RNF212: variants seen among roughly 807,000 people sequenced by gnomAD.
RNF212 encodes the protein probable E3 SUMO-protein ligase RNF212.
In RNF212, 33 loss-of-function variants were observed where a neutral mutation model predicts 34.7. The observed-to-expected ratio is 0.95, with a 90% CI of 0.72 to 1.27. The LOEUF is 1.27. RNF212 is among the 50% of genes most tolerant of loss of function. RNF212 has a pLI of 0.00. For synonymous variants in RNF212, 140 were observed against 136.1 expected (o/e 1.03, Z -0.20); for missense variants, 377 against 362.2 (o/e 1.04, Z -0.33).
chr4:1,102,999 A>T (rs1055360804), intron 2 of RNF212, among the ~76,000 whole-genome samples: 18 of 152,322 alleles, frequency 1.2e-4, no homozygotes, highest in African/African-American at 4.1e-4. Context: ...AAAAAAAAAA[A>T]AAATCACTAA....
At chr4:1,099,403 AG>A (rs1387891076) in intron 2 of RNF212, among the ~76,000 whole-genome samples, 1 of 152,170 alleles carries the variant, frequency 6.6e-6, no homozygotes, top group African/African-American at 2.4e-5. Context: ...AGCAGGGAAG[AG>A]GGGGAAATGG....
chr4:1,082,015 C>T, intron 5 of RNF212: 1 of 250,762 alleles, frequency 4.0e-6, no homozygotes, highest in Non-Finnish European at 7.8e-6. Flanking sequence ...CTTTGGGAGG[C>T]AGGGGCGGGA....
rs762685245 is a variant in RNF212 at position 1,108,226 on chromosome 4, T to C, written c.171+117A>G. ...CATTTTGATTACTCAGATATCTTTGTTAACGGAGCAAAGTGACTGAAAATT... is the reference window on the plus strand; with the variant it reads ...CATTTTGATTACTCAGATATCTTTGCTAACGGAGCAAAGTGACTGAAAATT... On this transcript the variant is annotated intron_variant, in intron 2 of 9. Coordinates refer to ENST00000433731, the MANE Select transcript of RNF212 (RefSeq NM_001131034.4). The C allele has an allele frequency of 2.5e-5, 15 of 609,366 alleles. No homozygotes were observed. In the Admixed American group the frequency reaches 3.2e-4, roughly 13 times the overall value. The allele number at this position is 609,366 out of a possible 1,614,324, so 37.7% of individuals were successfully genotyped here.
At chr4:1,080,579 G>A (rs1407610070) in intron 7 of RNF212, among the ~76,000 whole-genome samples, 1 of 152,172 alleles carries the variant, frequency 6.6e-6, no homozygotes, top group Non-Finnish European at 1.5e-5. Flanking sequence ...GCGGGACCCC[G>A]TGGAGCTTGT....
At chr4:1,104,562 G>A (rs377050051) in intron 2 of RNF212, among the ~76,000 whole-genome samples, 18 of 152,302 alleles carry the variant, frequency 1.2e-4, no homozygotes, top group African/African-American at 4.1e-4. Context: ...GGGAGAATGA[G>A]TACAGCCAGG....
chr4:1,064,186 G>A (rs1339269783), intron 3 of RNF212, among the ~76,000 whole-genome samples: 1 of 152,152 alleles, frequency 6.6e-6, no homozygotes, highest in African/African-American at 2.4e-5. Context: ...CATATTGTTA[G>A]ATTTATAACA....
chr4:1,096,892 G>T, intron 2 of RNF212, 53 bp from the exon 3 acceptor site: 1 of 1,353,052 alleles, frequency 7.4e-7, no homozygotes, highest in Non-Finnish European at 1.1e-6. Context: ...AACGCTTCTG[G>T]CCCCCAGTTA....
chr4:1,105,923 T>C (rs1724744855), intron 2 of RNF212, among the ~76,000 whole-genome samples: 1 of 152,214 alleles, frequency 6.6e-6, no homozygotes, highest in Non-Finnish European at 1.5e-5. Context: ...CCCTGGCTCC[T>C]GCAGGGGCTG....
chr4:1,110,808 AC>A (rs112654968), intron 1 of RNF212, among the ~76,000 whole-genome samples: 1 of 152,052 alleles, frequency 6.6e-6, no homozygotes, highest in Non-Finnish European at 1.5e-5. Context: ...CCTTTTCACC[AC>A]TTTTTTGTGT....
At chr4:1,058,312 G>GT (rs1296586766) in intron 4 of RNF212, 1 of 718,152 alleles carries the variant, frequency 1.4e-6, no homozygotes, top group African/African-American at 2.2e-5. Context: ...GCTTGCGGGG[G>GT]GGCACTACCT....
At chr4:1,104,284 G>GT (rs1232523145) in intron 2 of RNF212, among the ~76,000 whole-genome samples, 5 of 152,226 alleles carry the variant, frequency 3.3e-5, no homozygotes, top group Non-Finnish European at 7.3e-5. Context: ...GCCAACTGGT[G>GT]TATCAGACAA....
At chr4:1,064,686 C>T (rs529536619) in intron 3 of RNF212, among the ~76,000 whole-genome samples, 1 of 152,172 alleles carries the variant, frequency 6.6e-6, no homozygotes, top group Non-Finnish European at 1.5e-5. Flanking sequence ...TTTCAGTGTA[C>T]AGTTCACTGG....
chr4:1,069,069 G>C (rs775476401), downstream of RNF212, among the ~76,000 whole-genome samples: 4 of 152,068 alleles, frequency 2.6e-5, no homozygotes, highest in Non-Finnish European at 5.9e-5. Flanking sequence ...CAATTAGCTG[G>C]GTGTGGTGGT....
intron 2 of RNF212, 35 bp downstream of exon 2, chr4:1,108,308 T>C (rs764577892): frequency 2.2e-6 from 3 of 1,337,138 alleles, no homozygotes; most frequent in Admixed American, 2.8e-5. Flanking sequence ...AATATGACTG[T>C]GATTAAGATG....
intron 8 of RNF212, among the ~76,000 whole-genome samples, chr4:1,073,975 T>C (rs1718859057): frequency 6.6e-6 from 1 of 152,004 alleles, no homozygotes; most frequent in African/African-American, 2.4e-5. Flanking sequence ...TTGCAGCTGA[T>C]GTTAGAGAAT....
At chr4:1,102,061 G>A (rs1724068320) in intron 2 of RNF212, among the ~76,000 whole-genome samples, 1 of 151,952 alleles carries the variant, frequency 6.6e-6, no homozygotes, top group Non-Finnish European at 1.5e-5. Flanking sequence ...TATACTGCAG[G>A]CAAAAATGAA....
intron 4 of RNF212, among the ~76,000 whole-genome samples, chr4:1,087,962 C>T (rs1431470272): frequency 6.6e-6 from 1 of 152,042 alleles, no homozygotes; most frequent in African/African-American, 2.4e-5. Context: ...TATAAATCAC[C>T]CAGTCTCAGG....
At chr4:1,087,831 C>A (rs1451584787) in intron 4 of RNF212, among the ~76,000 whole-genome samples, 1 of 151,914 alleles carries the variant, frequency 6.6e-6, no homozygotes, top group South Asian at 2.1e-4. Flanking sequence ...TTCCCCTCCA[C>A]CCCCTCTCCT....
chr4:1,057,169 T>C (rs535886753), intron 4 of RNF212, among the ~76,000 whole-genome samples: 38 of 152,162 alleles, frequency 2.5e-4, no homozygotes, highest in African/African-American at 8.4e-4. Context: ...GCAGAAGATG[T>C]GGACCGATGC....
Sources: allele counts gnomAD v4.1 joint callset (sites outside exome capture counted in the v4.1 genomes callset), GRCh38; gene constraint gnomAD v4.1.1; transcripts MANE v1.5; gene names NCBI Gene and HGNC (gene_info 2026-07-23, HGNC 2026-07-21).